DGKG: variants seen among roughly 807,000 people sequenced by gnomAD.
The protein encoded by DGKG is diacylglycerol kinase gamma.
DGKG carries 78 observed loss-of-function variants against 105.3 expected under a neutral mutation model. The ratio of observed to expected loss-of-function variants is 0.74; its 90% confidence interval spans 0.62 to 0.89. The LOEUF (loss-of-function observed/expected upper bound fraction) is 0.89, where lower values mean the gene tolerates loss of function less well. Among genes scored for constraint, DGKG ranks in the 40% least tolerant of loss-of-function variants. The pLI is 0.00. For missense variants in DGKG, 958 were observed against 1,020.1 expected, an observed-to-expected ratio of 0.94 and a Z score of 0.83; for synonymous variants, 346 against 367.1, an observed-to-expected ratio of 0.94 and a Z score of 0.66.
At chr3:186,181,761 G>A (rs1404461063) in intron 22 of DGKG, among the ~76,000 whole-genome samples, 1 of 152,118 alleles carries the variant, frequency 6.6e-6, no homozygotes, top group African/African-American at 2.4e-5. Context: ...CATTTTCTAG[G>A]ACACACCATT....
rs75942164 is a variant in DGKG at position 186,321,529 on chromosome 3, C to T, written c.-248-822G>A. Among the ~76,000 whole-genome samples the T allele has an allele frequency of 9.9e-3, 1,506 of 152,272 alleles. 9 individuals are homozygous for T. The highest frequency in any genetic ancestry group is 0.016 in the Non-Finnish European group (1,108 of 68,020). On this transcript the variant is annotated intron_variant, in intron 1 of 24. Coordinates refer to ENST00000265022, the MANE Select transcript of DGKG (RefSeq NM_001346.3). ...GAGGTTACAAGCATGGTTGGGAAGC[C>T]ACCAACCTAAAAAGGTGAGAAATAA...
intron 20 of DGKG, among the ~76,000 whole-genome samples, chr3:186,229,021 G>T (rs567321428): frequency 6.6e-6 from 1 of 152,290 alleles, no homozygotes; most frequent in South Asian, 2.1e-4. Flanking sequence ...CCAATCCAGT[G>T]ACTGACGTCC....
At chr3:186,255,944 C>T (rs557549290) in intron 17 of DGKG, among the ~76,000 whole-genome samples, 13 of 152,272 alleles carry the variant, frequency 8.5e-5, no homozygotes, top group East Asian at 5.8e-4. Flanking sequence ...AATGTTTCTT[C>T]CTCCTTCTGT....
intron 14 of DGKG, among the ~76,000 whole-genome samples, chr3:186,263,658 T>A (rs1721897819): frequency 6.7e-6 from 1 of 149,752 alleles, no homozygotes; most frequent in East Asian, 1.9e-4. Flanking sequence ...CATTTGTATT[T>A]TTTTTTTTTT....
At position 186,268,868 on chromosome 3, in the gene DGKG, C is replaced by T. The variant is rs373203336; in HGVS notation, c.1049G>A (p.Arg350Gln). 32 of 1,613,956 alleles carry T rather than the reference C, an allele frequency of 2.0e-5. No homozygotes were observed. The highest frequency in any genetic ancestry group is 1.6e-4 in the East Asian group (7 of 44,880). Reference protein sequence around the residue: ...VEGNSSVKCDRCHKSIKCYQS... With the variant: ...VEGNSSVKCDQCHKSIKCYQS... ...GTAGCACTTGATACTTTTGTGGCAC[C>T]GGTCACACTTGACGGAGGAGTTCCC... Residue 350 changes from arginine to glutamine, a missense_variant, in exon 12 of 25, where the codon CGG (arginine) becomes CAG (glutamine). Around this residue, in one of 2 missense-constraint regions of DGKG, gnomAD observed 643 missense variants for 619.5 expected, o/e 1.04. Transcript: ENST00000265022.
Position 186,298,470 on chromosome 3 carries a change from TG to T in DGKG, c.145-242del, listed in dbSNP as rs890120109. ...GTTGCAGTTGCATATTGGGGCTTGG[TG>T]GGGCACAGAACCAGGGCAGGCTCCT... is the stretch of plus-strand genomic sequence containing the variant. On this transcript the variant is annotated intron_variant, in intron 3 of 24. Transcript: ENST00000265022. Among the ~76,000 whole-genome samples, 123 of 152,120 alleles carry T rather than the reference TG, an allele frequency of 8.1e-4. 1 individual carries two copies. Among genetic ancestry groups the T allele is most frequent in the African/African-American group, 2.8e-3 (115 of 41,480 alleles).
intron 15 of DGKG, among the ~76,000 whole-genome samples, 160 bp downstream of exon 15, chr3:186,261,538 CG>C (rs1721775426): frequency 6.6e-6 from 1 of 152,098 alleles, no homozygotes; most frequent in South Asian, 2.1e-4. Flanking sequence ...AACCGAGGCC[CG>C]GGGACATTAA....
intron 7 of DGKG, among the ~76,000 whole-genome samples, chr3:186,282,200 G>A (rs1051209758): frequency 6.6e-6 from 1 of 152,170 alleles, no homozygotes; most frequent in Non-Finnish European, 1.5e-5. Context: ...TGGCCTCCCT[G>A]TTGGATTGGG....
intron 1 of DGKG, among the ~76,000 whole-genome samples, chr3:186,349,046 T>C (rs1371615837): frequency 2.0e-5 from 3 of 151,878 alleles, no homozygotes; most frequent in Admixed American, 2.0e-4. Flanking sequence ...GTTTGTTACA[T>C]AGGTACACAT....
At chr3:186,265,339 G>A in intron 13 of DGKG, 33 bp from the exon 14 acceptor site, 1 of 1,599,732 alleles carries the variant, frequency 6.3e-7, no homozygotes, top group Non-Finnish European at 8.6e-7. Flanking sequence ...AGCATCTTTT[G>A]GAAAAAGAAG....
intron 22 of DGKG, among the ~76,000 whole-genome samples, chr3:186,181,123 AG>A (rs1200316174): frequency 6.6e-6 from 1 of 152,168 alleles, no homozygotes; most frequent in East Asian, 1.9e-4. Context: ...AGCAATTCTT[AG>A]TACTTAGCAT....
chr3:186,353,650 GTCTATGTCTATA>G (rs1458435667), intron 1 of DGKG, among the ~76,000 whole-genome samples: 2,650 of 60,712 alleles, frequency 0.044, 80 homozygotes, highest in African/African-American at 0.12. Context: ...CTATATCTAT[GTCTATGTCTATA>G]TCTATATCTA....
At chr3:186,333,160 T>C (rs1326663603) in intron 1 of DGKG, among the ~76,000 whole-genome samples, 1 of 152,180 alleles carries the variant, frequency 6.6e-6, no homozygotes, top group African/African-American at 2.4e-5. Context: ...TAAAACTTTC[T>C]GTCAGTGGCT....
At chr3:186,250,557 C>CTTATTTTTTTTTTTTTTTTTTT (rs1721162288) in intron 19 of DGKG, among the ~76,000 whole-genome samples, 1 of 116,178 alleles carries the variant, frequency 8.6e-6, no homozygotes, top group Non-Finnish European at 1.7e-5. Context: ...TTCTGTCATT[C>CTTATTTTTTTTTTTTTTTTTTT]TTTTTTTTTT....
chr3:186,346,315 T>C (rs1726329340), intron 1 of DGKG, among the ~76,000 whole-genome samples: 2 of 152,236 alleles, frequency 1.3e-5, no homozygotes, highest in African/African-American at 4.8e-5. Flanking sequence ...ATCTCAGCTT[T>C]ATTCTTATTG....
chr3:186,246,919 C>T (rs3774061), intron 19 of DGKG, among the ~76,000 whole-genome samples: 101,211 of 152,088 alleles, frequency 0.67, 38,596 homozygotes, highest in East Asian at 0.92. Flanking sequence ...GCTGTTCACC[C>T]GTCCTGTTAA....
Position 186,267,719 on chromosome 3 carries a change from A to G in DGKG, c.1175T>C (p.Ile392Thr), listed in dbSNP as rs1239112547. ...LCDGGELRDH[I>T]LLPTSICPIT... is the part of the protein sequence containing the mutation. ...GGGGCATATGGAGGTGGGCAGTAAG[A>G]TGTGGTCTCTGAGTTCCCCACCGTC... is the stretch of plus-strand genomic sequence containing the variant. Residue 392 changes from isoleucine to threonine, a missense_variant, in exon 13 of 25, where the codon ATC becomes ACC. Ile to Thr is a moderately conservative substitution (Grantham distance 89). Around this residue, in one of 2 missense-constraint regions of DGKG, gnomAD observed 643 missense variants for 619.5 expected, o/e 1.04. Coordinates refer to ENST00000265022, the MANE Select transcript of DGKG (RefSeq NM_001346.3). 1 of 1,614,082 alleles carries G rather than the reference A, an allele frequency of 6.2e-7. No homozygotes were observed. The highest frequency in any genetic ancestry group is 8.5e-7 in the Non-Finnish European group (1 of 1,179,966).
At chr3:186,278,388 T>C (rs1722680663) in intron 9 of DGKG, among the ~76,000 whole-genome samples, 1 of 152,198 alleles carries the variant, frequency 6.6e-6, no homozygotes, top group Admixed American at 6.5e-5. Context: ...ACATGGGTTC[T>C]TGTACATAAA....
chr3:186,280,594 C>T, intron 8 of DGKG, 76 bp downstream of exon 8: 3 of 1,185,694 alleles, frequency 2.5e-6, no homozygotes, highest in Non-Finnish European at 3.8e-6. Flanking sequence ...GGTTAACACT[C>T]ATTCATGTCT....
Sources: gnomAD v4.1 joint callset for allele counts (sites outside exome capture counted in the v4.1 genomes callset) on GRCh38, gnomAD v4.1.1 for gene constraint, gnomAD v4.1.1 regional missense constraint, MANE v1.5 for transcripts, NCBI Gene and HGNC (gene_info 2026-07-23, HGNC 2026-07-21) for gene names.